ACSM3: variants seen among roughly 807,000 people sequenced by gnomAD.
ACSM3 encodes acyl-coenzyme A synthetase ACSM3, mitochondrial.
ACSM3 carries 61 observed loss-of-function variants against 74.1 expected under a neutral mutation model. That is an observed-to-expected ratio of 0.82 (90% confidence interval 0.67 to 1.02). The LOEUF is 1.02. ACSM3 is among the 50% of genes least tolerant of loss of function. The probability of loss-of-function intolerance (pLI) is 0.00; values close to 1 mark genes in which losing one functional copy is unlikely to be tolerated. For missense variants in ACSM3, 660 were observed against 697.0 expected, an observed-to-expected ratio of 0.95 and a Z score of 0.60; for synonymous variants, 213 against 241.5, an observed-to-expected ratio of 0.88 and a Z score of 1.09.
At chr16:20,787,002 C>A (rs1412855861) in intron 9 of ACSM3, among the ~76,000 whole-genome samples, 1 of 152,198 alleles carries the variant, frequency 6.6e-6, no homozygotes, top group Non-Finnish European at 1.5e-5. Context: ...CTGGCCATTT[C>A]CAGCCTCTCT....
chr16:20,681,960 T>C (rs1743102940), intron 1 of ACSM3: 1 of 257,164 alleles, frequency 3.9e-6, no homozygotes, highest in Admixed American at 4.8e-5. Context: ...TTGTAAAACA[T>C]GTTTTTCCTT....
chr16:20,701,074 A>C (rs1230469303), intron 1 of ACSM3, among the ~76,000 whole-genome samples: 1 of 152,160 alleles, frequency 6.6e-6, no homozygotes, highest in Non-Finnish European at 1.5e-5. Context: ...TCAAGGATGA[A>C]TCTCAGCCTT....
At chr16:20,713,816 T>C (rs1043525015) in intron 1 of ACSM3, among the ~76,000 whole-genome samples, 4 of 152,186 alleles carry the variant, frequency 2.6e-5, no homozygotes, top group Admixed American at 6.6e-5. Context: ...ATTTCAAACT[T>C]TGAAGTGCCA....
upstream of ACSM3, among the ~76,000 whole-genome samples, chr16:20,760,203 T>C (rs1157249171): frequency 1.3e-5 from 2 of 152,212 alleles, no homozygotes; most frequent in African/African-American, 4.8e-5. Flanking sequence ...CAAAGTCTTT[T>C]ACCCCAAAAT....
chr16:20,700,534 G>A (rs2079710264), intron 1 of ACSM3, among the ~76,000 whole-genome samples: 1 of 151,990 alleles, frequency 6.6e-6, no homozygotes, highest in African/African-American at 2.4e-5. Flanking sequence ...TGCAAAGCCT[G>A]AGGCTGACAT....
chr16:20,738,472 T>C (rs1377705621), intron 1 of ACSM3, among the ~76,000 whole-genome samples: 1 of 152,160 alleles, frequency 6.6e-6, no homozygotes, highest in African/African-American at 2.4e-5. Flanking sequence ...CTTGCCTACA[T>C]ACAAGTATAT....
At chr16:20,682,057 T>C in intron 1 of ACSM3, 1 of 546,228 alleles carries the variant, frequency 1.8e-6, no homozygotes, top group Non-Finnish European at 3.3e-6. Context: ...CCTGCACAGA[T>C]CTCCCCTCTC....
At chr16:20,720,611 G>A (rs929785370) in intron 1 of ACSM3, among the ~76,000 whole-genome samples, 16 of 152,220 alleles carry the variant, frequency 1.1e-4, no homozygotes, top group Non-Finnish European at 5.9e-5. Context: ...GGGATCCCTA[G>A]TTTAAGGGCC....
At chr16:20,757,515 T>G (rs1229991898) in intron 3 of ACSM3, among the ~76,000 whole-genome samples, 2 of 151,758 alleles carry the variant, frequency 1.3e-5, no homozygotes, top group Non-Finnish European at 2.9e-5. Context: ...AAGTTGCTTA[T>G]CAGCTTAAGG....
chr16:20,773,364 C>T (rs2080216656), intron 2 of ACSM3, among the ~76,000 whole-genome samples: 1 of 151,856 alleles, frequency 6.6e-6, no homozygotes, highest in Non-Finnish European at 1.5e-5. Context: ...TATTTCTGCT[C>T]TGATCTTTAT....
At chr16:20,763,597 G>A (rs11647477), upstream of ACSM3, 20,216 of 152,230 alleles carry the variant, frequency 0.13, 1,401 homozygotes, top group East Asian at 0.21. Flanking sequence ...GATTTGAGCA[G>A]GGGAGTAACC....
At position 20,790,798 on chromosome 16, in the gene ACSM3, G is replaced by C; in HGVS notation, c.1326+110G>C. The C allele has an allele frequency of 6.2e-7, 1 of 1,613,388 alleles. No individual in the cohort carries two copies. Among genetic ancestry groups the C allele is most frequent in the Non-Finnish European group, 8.5e-7 (1 of 1,179,610 alleles). On this transcript the variant is annotated intron_variant, in intron 10 of 13. Coordinates refer to ENST00000289416, the MANE Select transcript of ACSM3 (RefSeq NM_005622.4). The surrounding 1 kb of genome is among the most constrained non-coding windows in gnomAD (Gnocchi z 4.0). ...GGATAGGTACTTGACCCTTTCTTGA[G>C]AGATTGGTTGTCCTGAATAGTAATC...
chr16:20,728,512 T>C (rs1284169904), intron 1 of ACSM3: 17 of 958,984 alleles, frequency 1.8e-5, no homozygotes, highest in Non-Finnish European at 2.5e-5. Context: ...AAAGTGCTAG[T>C]CATGTCTTAA....
chr16:20,678,294 A>C (rs1409393494), intron 1 of ACSM3, among the ~76,000 whole-genome samples: 4 of 152,190 alleles, frequency 2.6e-5, no homozygotes, highest in South Asian at 2.1e-4. Flanking sequence ...CTGAAAAAAA[A>C]ACACACAAAA....
rs545123605 is a variant in ACSM3, at chr16:20,732,499, T to C, written c.-189-17411T>C. 6.9e-4 allele frequency among the ~76,000 whole-genome samples: 105 copies of C among 152,252 alleles called. 1 individual carries two copies. The highest frequency in any genetic ancestry group is 2.4e-3 in the African/African-American group (98 of 41,560). ...GGTCAAGTCAGGGCAGAAAACTGTATATATTCCAAATTATGCCTAAAAAAT... is the reference window on the plus strand; with the variant it reads ...GGTCAAGTCAGGGCAGAAAACTGTACATATTCCAAATTATGCCTAAAAAAT... On this transcript the variant is annotated intron_variant, in intron 1 of 3. Coordinates refer to the ACSM3 transcript ENST00000561584.
chr16:20,777,003 C>G (rs554531046), intron 3 of ACSM3, among the ~76,000 whole-genome samples: 1 of 152,150 alleles, frequency 6.6e-6, no homozygotes, highest in Non-Finnish European at 1.5e-5. Context: ...TTATTCATAG[C>G]TTTTATGTTT....
At chr16:20,753,462 C>CAAAAAA (rs36090074) in intron 2 of ACSM3, among the ~76,000 whole-genome samples, 1 of 101,608 alleles carries the variant, frequency 9.8e-6, no homozygotes, top group Non-Finnish European at 1.8e-5. Context: ...AGACTGTCTC[C>CAAAAAA]AAAAAAAAAA....
intron 1 of ACSM3, chr16:20,741,481 G>GGGGGGGGGGCGCC: frequency 1.5e-6 from 2 of 1,308,410 alleles, no homozygotes; most frequent in Non-Finnish European, 2.0e-6. Context: ...CTGGCAGCCG[G>GGGGGGGGGGCGCC]CCCGCCCGCC....
intron 1 of ACSM3, among the ~76,000 whole-genome samples, chr16:20,708,057 T>A (rs542690402): frequency 3.9e-5 from 6 of 152,198 alleles, no homozygotes; most frequent in Non-Finnish European, 7.4e-5. Context: ...TCCCAGCACT[T>A]TGGGAGGCCA....
Sources: gnomAD v4.1 joint callset for allele counts (sites outside exome capture counted in the v4.1 genomes callset) on GRCh38, gnomAD v4.1.1 for gene constraint, Gnocchi (gnomAD v3.1) non-coding constraint, MANE v1.5 for transcripts, NCBI Gene and HGNC (gene_info 2026-07-23, HGNC 2026-07-21) for gene names.